SULT2B1: variants seen among roughly 807,000 people sequenced by gnomAD.
SULT2B1 encodes sulfotransferase family 2B member 1, also known as sulfotransferase 2B1.
SULT2B1 carries 16 observed loss-of-function variants against 33.2 expected under a neutral mutation model. That is an observed-to-expected ratio of 0.48 (90% CI 0.33 to 0.73). SULT2B1 has a LOEUF of 0.73. Among genes scored for constraint, SULT2B1 ranks in the 30% least tolerant of loss-of-function variants. SULT2B1 has a pLI of 0.02. For missense variants in SULT2B1, 500 were observed against 506.0 expected, an observed-to-expected ratio of 0.99 and a Z score of 0.11; for synonymous variants, 186 against 200.5, an observed-to-expected ratio of 0.93 and a Z score of 0.61.
intron 5 of SULT2B1, among the ~76,000 whole-genome samples, chr19:48,595,450 G>A (rs150216599): frequency 2.5e-4 from 38 of 152,212 alleles, no homozygotes; most frequent in African/African-American, 8.7e-4. Flanking sequence ...CGGCACAAAT[G>A]TATGGGGGGC....
At chr19:48,592,426 C>T (rs973193748) in intron 4 of SULT2B1, among the ~76,000 whole-genome samples, 2 of 152,204 alleles carry the variant, frequency 1.3e-5, no homozygotes, top group African/African-American at 4.8e-5. Flanking sequence ...CCTTTGGCCA[C>T]GTGTTCCTTT....
At chr19:48,569,362 ACATATATATATATATATATATATAT>A (rs1205613759) in intron 1 of SULT2B1, among the ~76,000 whole-genome samples, 40,234 of 130,112 alleles carry the variant, frequency 0.31, 7,064 homozygotes, top group South Asian at 0.58. Flanking sequence ...AAAAAAAAAA[ACATATATATATATATATATATATAT>A]ATATATATAT....
At chr19:48,567,249 A>T (rs985697455) in intron 1 of SULT2B1, among the ~76,000 whole-genome samples, 1 of 152,008 alleles carries the variant, frequency 6.6e-6, no homozygotes, top group African/African-American at 2.4e-5. Flanking sequence ...GGTCAGGTTC[A>T]TTCGGGGATC....
intron 1 of SULT2B1, among the ~76,000 whole-genome samples, chr19:48,569,361 A>AAAATATATAT (rs1568405757): frequency 2.0e-4 from 2 of 9,960 alleles, no homozygotes; most frequent in South Asian, 7.7e-3. Context: ...AAAAAAAAAA[A>AAAATATATAT]ACATATATAT....
chr19:48,590,318 T>G (rs1419295110), intron 3 of SULT2B1, among the ~76,000 whole-genome samples: 1 of 151,876 alleles, frequency 6.6e-6, no homozygotes, highest in Non-Finnish European at 1.5e-5. Context: ...AAAATAAGAC[T>G]AGGCTGGGCA....
intron 3 of SULT2B1, among the ~76,000 whole-genome samples, chr19:48,589,928 T>C (rs1973621119): frequency 1.3e-5 from 2 of 152,224 alleles, no homozygotes; most frequent in African/African-American, 4.8e-5. Context: ...CCACAGGCAC[T>C]CCAGCCTCAA....
At chr19:48,555,036 T>C (rs1973080057) in intron 1 of SULT2B1, among the ~76,000 whole-genome samples, 1 of 152,076 alleles carries the variant, frequency 6.6e-6, no homozygotes, top group South Asian at 2.1e-4. Context: ...CGCTCTGAGG[T>C]TCTAGCCTCC....
chr19:48,584,445 T>C (rs1388576881), intron 2 of SULT2B1, among the ~76,000 whole-genome samples: 1 of 152,206 alleles, frequency 6.6e-6, no homozygotes, highest in Non-Finnish European at 1.5e-5. Context: ...CCTCATTCAG[T>C]GTTCCTCCAG....
At chr19:48,580,256 A>T (rs1360066220) in intron 2 of SULT2B1, among the ~76,000 whole-genome samples, 1 of 150,214 alleles carries the variant, frequency 6.7e-6, no homozygotes, top group Non-Finnish European at 1.5e-5. Context: ...TTACGTGGAC[A>T]TATGTTTTCT....
At chr19:48,575,683 G>A (rs1973395905) in intron 1 of SULT2B1, 2 of 386,490 alleles carry the variant, frequency 5.2e-6, no homozygotes, top group African/African-American at 4.2e-5. Context: ...GTTTCACCAT[G>A]TTGGCCAGGC....
At chr19:48,576,800 C>G (rs1049283842) in intron 2 of SULT2B1, among the ~76,000 whole-genome samples, 2 of 150,662 alleles carry the variant, frequency 1.3e-5, no homozygotes, top group Non-Finnish European at 3.0e-5. Context: ...ACCACCATGC[C>G]TGGCTAACTT....
chr19:48,587,182 C>G, intron 2 of SULT2B1, 47 bp from the exon 3 acceptor site: 1 of 1,399,058 alleles, frequency 7.1e-7, no homozygotes, highest in Non-Finnish European at 9.9e-7. Context: ...ATATCTCCCT[C>G]TTCAGCCCTC....
At chr19:48,572,112 T>C (rs1431452261) in intron 1 of SULT2B1, among the ~76,000 whole-genome samples, 1 of 152,110 alleles carries the variant, frequency 6.6e-6, no homozygotes, top group Non-Finnish European at 1.5e-5. Context: ...TGCCAGGCCC[T>C]TTCCTGGGAT....
At chr19:48,592,502 A>G (rs1233077434) in intron 4 of SULT2B1, among the ~76,000 whole-genome samples, 1 of 152,076 alleles carries the variant, frequency 6.6e-6, no homozygotes, top group Non-Finnish European at 1.5e-5. Context: ...GACTGGATGG[A>G]CAGATAGACA....
rs759837348 is a variant in SULT2B1 at position 48,591,746 on chromosome 19, G to A, written c.550+11G>A. ...TCCTCAAAGGCGAAGGTGGGGACAG[G>A]GTAAAGCGGGGCAGGAGGGGTGGGG... is the stretch of plus-strand genomic sequence containing the variant. On this transcript the variant is annotated intron_variant, in intron 4 of 6. Transcript: ENST00000201586. 1.7e-5 allele frequency: 27 copies of A among 1,569,386 alleles called. No homozygotes were observed. In the African/African-American group the frequency reaches 2.4e-4, roughly 14 times the overall value.
chr19:48,576,359 C>CTTTTTTT (rs1188887401), intron 2 of SULT2B1, among the ~76,000 whole-genome samples: 12 of 96,712 alleles, frequency 1.2e-4, no homozygotes, highest in African/African-American at 3.4e-4. Flanking sequence ...CTCTACTTCT[C>CTTTTTTT]TTTTTTTTTT....
chr19:48,592,369 CAAGGAAACAG>C (rs1003515002), intron 4 of SULT2B1, among the ~76,000 whole-genome samples: 3 of 152,102 alleles, frequency 2.0e-5, no homozygotes, highest in African/African-American at 7.2e-5. Flanking sequence ...CAGGGAGAGA[CAAGGAAACAG>C]GAGGAGACAG....
chr19:48,561,802 C>A (rs12611151), intron 1 of SULT2B1, among the ~76,000 whole-genome samples: 29,907 of 152,064 alleles, frequency 0.2, 3,254 homozygotes, highest in East Asian at 0.41. Context: ...CATCCCAGAG[C>A]CCCACTCCCC....
At chr19:48,554,314 C>T (rs929180381) in intron 1 of SULT2B1, among the ~76,000 whole-genome samples, 25 of 147,514 alleles carry the variant, frequency 1.7e-4, no homozygotes, top group African/African-American at 6.2e-4. Flanking sequence ...CCCCCAGATT[C>T]GCACCTCCTC....
Sources: allele counts gnomAD v4.1 joint callset (sites outside exome capture counted in the v4.1 genomes callset), GRCh38; gene constraint gnomAD v4.1.1; transcripts MANE v1.5; gene names NCBI Gene and HGNC (gene_info 2026-07-23, HGNC 2026-07-21).